The following XKR4 variants were observed in gnomAD, a reference collection of about 807,000 sequenced individuals.
XKR4 encodes the protein XK-related protein 4.
In XKR4, 12 loss-of-function variants were observed where a neutral mutation model predicts 53.9. That is an observed-to-expected ratio of 0.22 (90% CI 0.14 to 0.36). The LOEUF (loss-of-function observed/expected upper bound fraction) is 0.36. Among genes scored for constraint, XKR4 ranks in the 10% least tolerant of loss-of-function variants. XKR4 has a pLI of 1.00. For missense variants in XKR4, 799 were observed against 859.5 expected, an observed-to-expected ratio of 0.93 and a Z score of 0.88; for synonymous variants, 354 against 362.4, an observed-to-expected ratio of 0.98 and a Z score of 0.26.
Position 55,102,645 on chromosome 8 carries a change from GGCT to G in XKR4, c.163_165del (p.Cys55del). 7.4e-7 allele frequency: 1 copy of G among 1,345,296 alleles called. No homozygotes were observed. The highest frequency in any genetic ancestry group is 9.7e-7 in the Non-Finnish European group (1 of 1,035,406). The allele number at this position is 1,345,296 out of a possible 1,614,324, so 83.3% of individuals were successfully genotyped here. On this transcript the variant is annotated inframe_deletion, in exon 1 of 3. Coordinates refer to ENST00000327381, the MANE Select transcript of XKR4 (RefSeq NM_052898.2). The surrounding 1 kb of genome is among the most constrained non-coding windows in gnomAD (Gnocchi z 5.1). ...CGAGGACGAGGAGGCGGCCGGGGGCGGCTGCTGCCCGGACGGCGGCGGCTGCTC... is the reference window on the plus strand; with the variant it reads ...CGAGGACGAGGAGGCGGCCGGGGGCGGCTGCCCGGACGGCGGCGGCTGCTC...
intron 1 of XKR4, among the ~76,000 whole-genome samples, chr8:55,300,454 G>A (rs966413716): frequency 6.6e-6 from 1 of 152,198 alleles, no homozygotes; most frequent in Non-Finnish European, 1.5e-5. Context: ...AGGAGCTGAG[G>A]TGGAGTGAAG....
At chr8:55,440,387 G>A (rs753704481) in intron 2 of XKR4, among the ~76,000 whole-genome samples, 6 of 152,052 alleles carry the variant, frequency 3.9e-5, no homozygotes, top group Non-Finnish European at 1.5e-5. Context: ...AATTTAGGGA[G>A]AGTTAGAATT....
At chr8:55,159,719 T>C (rs1366808127) in intron 1 of XKR4, among the ~76,000 whole-genome samples, 1 of 152,216 alleles carries the variant, frequency 6.6e-6, no homozygotes, top group Non-Finnish European at 1.5e-5. Context: ...ATTCCATTTG[T>C]CTGTTGGTTT....
chr8:55,289,684 A>G (rs577053270), intron 1 of XKR4, among the ~76,000 whole-genome samples: 1 of 146,714 alleles, frequency 6.8e-6, no homozygotes, highest in Middle Eastern at 3.5e-3. Context: ...AAAGAGAAAG[A>G]AAGAAAGAAA....
At chr8:55,477,533 G>A (rs1316359103) in intron 2 of XKR4, among the ~76,000 whole-genome samples, 2 of 152,146 alleles carry the variant, frequency 1.3e-5, no homozygotes, top group Non-Finnish European at 2.9e-5. Context: ...CTCCTCACTA[G>A]CAATGGAACA....
chr8:55,235,927 A>T (rs1244543553), intron 1 of XKR4, among the ~76,000 whole-genome samples: 1 of 152,166 alleles, frequency 6.6e-6, no homozygotes, highest in African/African-American at 2.4e-5. Flanking sequence ...TTTCATACTG[A>T]GTTTGGCTCT....
intron 2 of XKR4, among the ~76,000 whole-genome samples, chr8:55,447,675 C>G (rs1347125743): frequency 6.6e-6 from 1 of 152,136 alleles, no homozygotes; most frequent in Non-Finnish European, 1.5e-5. Flanking sequence ...GAAAAGAAAC[C>G]GCTAATCACC....
chr8:55,150,827 A>G (rs1382258202), intron 1 of XKR4, among the ~76,000 whole-genome samples: 1 of 152,192 alleles, frequency 6.6e-6, no homozygotes, highest in African/African-American at 2.4e-5. Flanking sequence ...ATACTGGTGC[A>G]TAGTAAGTGC....
At chr8:55,135,585 C>G (rs1399035384) in intron 1 of XKR4, 1 of 456,080 alleles carries the variant, frequency 2.2e-6, no homozygotes, top group Admixed American at 2.3e-5. Flanking sequence ...TTGCTTTCTG[C>G]TTTCTCTGTC....
At chr8:55,289,738 AAAG>A (rs1345337970) in intron 1 of XKR4, among the ~76,000 whole-genome samples, 1 of 14,002 alleles carries the variant, frequency 7.1e-5, no homozygotes, top group African/African-American at 8.5e-5. Context: ...AGAAAGAAAG[AAAG>A]AAAAAGAAAG....
intron 2 of XKR4, chr8:55,450,525 G>A: frequency 1.5e-6 from 1 of 659,172 alleles, no homozygotes; most frequent in South Asian, 1.5e-5. Context: ...TCAGAGTCCA[G>A]TAGGAAGGTC....
rs1807085922 is a variant in XKR4, at chr8:55,540,414, T to G, written c.*16187T>G. ...CCTTTTATATCTAGATGGTATCAAATAAGAAAAAAATGCATCATTTGGTCA... is the reference window on the plus strand; with the variant it reads ...CCTTTTATATCTAGATGGTATCAAAGAAGAAAAAAATGCATCATTTGGTCA... On this transcript the variant is annotated 3_prime_UTR_variant, in exon 3 of 3. Transcript: ENST00000327381. 2.6e-5 allele frequency: 4 copies of G among 152,138 alleles called. No individual in the cohort carries two copies. The highest frequency in any genetic ancestry group is 2.6e-4 in the Admixed American group (4 of 15,268). The allele number at this position is 152,138 out of a possible 1,614,324, so 9.4% of individuals were successfully genotyped here.
chr8:55,214,756 G>A (rs1424955552), intron 1 of XKR4, among the ~76,000 whole-genome samples: 2 of 152,292 alleles, frequency 1.3e-5, no homozygotes, highest in East Asian at 3.9e-4. Context: ...GGTACCTAAG[G>A]GGAGGGGTGA....
At chr8:55,250,658 G>T (rs970010620) in intron 1 of XKR4, among the ~76,000 whole-genome samples, 1 of 152,164 alleles carries the variant, frequency 6.6e-6, no homozygotes, top group African/African-American at 2.4e-5. Flanking sequence ...AGGCAATTTT[G>T]CCATTTGCAC....
At chr8:55,199,345 G>C (rs1319856914) in intron 1 of XKR4, among the ~76,000 whole-genome samples, 4 of 152,202 alleles carry the variant, frequency 2.6e-5, no homozygotes, top group Non-Finnish European at 1.5e-5. Flanking sequence ...AGGAGATAAT[G>C]AATCAAGTGC....
chr8:55,184,601 A>G (rs1817353321), intron 1 of XKR4, among the ~76,000 whole-genome samples: 1 of 152,216 alleles, frequency 6.6e-6, no homozygotes, highest in Non-Finnish European at 1.5e-5. Context: ...GTGTGTCTGC[A>G]CAATTACATT....
chr8:55,247,315 C>A (rs1175959323), intron 1 of XKR4, among the ~76,000 whole-genome samples: 1 of 152,124 alleles, frequency 6.6e-6, no homozygotes, highest in Non-Finnish European at 1.5e-5. Flanking sequence ...AACTGCCTCC[C>A]AAATTGCCTG....
At chr8:55,494,024 C>T (rs1806306562) in intron 2 of XKR4, among the ~76,000 whole-genome samples, 2 of 152,226 alleles carry the variant, frequency 1.3e-5, no homozygotes, top group African/African-American at 4.8e-5. Context: ...TCATTCTGCC[C>T]ATTTGGCCTG....
chr8:55,168,174 C>T (rs907564453), intron 1 of XKR4, among the ~76,000 whole-genome samples: 6 of 152,178 alleles, frequency 3.9e-5, no homozygotes, highest in Non-Finnish European at 8.8e-5. Context: ...ATCATTCACT[C>T]TCTGAATCTG....
Sources: gnomAD v4.1 joint callset for allele counts (sites outside exome capture counted in the v4.1 genomes callset) on GRCh38, gnomAD v4.1.1 for gene constraint, Gnocchi (gnomAD v3.1) non-coding constraint, MANE v1.5 for transcripts, NCBI Gene and HGNC (gene_info 2026-07-23, HGNC 2026-07-21) for gene names.